ACTN2: variants seen among roughly 807,000 people sequenced by gnomAD.
The protein encoded by ACTN2 is actinin alpha 2.
ACTN2 carries 39 observed loss-of-function variants against 113.8 expected under a neutral mutation model. The ratio of observed to expected loss-of-function variants is 0.34; its 90% CI spans 0.27 to 0.45. ACTN2 has a LOEUF of 0.45. Among genes scored for constraint, ACTN2 ranks in the 20% least tolerant of loss-of-function variants. The probability of loss-of-function intolerance (pLI) is 1.00; values close to 1 mark genes in which losing one functional copy is unlikely to be tolerated. For synonymous variants in ACTN2, 429 were observed against 444.1 expected, an observed-to-expected ratio of 0.97 and a Z score of 0.43; for missense variants, 992 against 1,177.9, an observed-to-expected ratio of 0.84 and a Z score of 2.31.
intron 1 of ACTN2, among the ~76,000 whole-genome samples, chr1:236,694,602 A>T (rs906387815): frequency 1.3e-5 from 2 of 152,218 alleles, no homozygotes; most frequent in Non-Finnish European, 2.9e-5. Flanking sequence ...AAATTAAAAA[A>T]ACTTTCATTT....
chr1:236,709,252 A>ATATATATATG (rs1657933053), intron 1 of ACTN2, among the ~76,000 whole-genome samples: 1 of 95,260 alleles, frequency 1.0e-5, no homozygotes, highest in South Asian at 3.2e-4. Flanking sequence ...ATATATATAT[A>ATATATATATG]TATACACACA....
chr1:236,750,611 C>T (rs2102938321), intron 14 of ACTN2, among the ~76,000 whole-genome samples: 1 of 152,234 alleles, frequency 6.6e-6, no homozygotes, highest in African/African-American at 2.4e-5. Flanking sequence ...TGTGGGGCTG[C>T]TCATGTTCAG....
At chr1:236,749,947 A>G (rs1439516385) in intron 14 of ACTN2, among the ~76,000 whole-genome samples, 2 of 152,210 alleles carry the variant, frequency 1.3e-5, no homozygotes, top group Non-Finnish European at 2.9e-5. Flanking sequence ...ACGTGTGCAT[A>G]TTACTGTTTA....
chr1:236,720,056 G>A (rs368964457), intron 3 of ACTN2, 49 bp from the exon 4 acceptor site: 66 of 1,317,956 alleles, frequency 5.0e-5, no homozygotes, highest in African/African-American at 3.7e-4. Flanking sequence ...AAAAAGTTAC[G>A]TACAGACTAT....
At chr1:236,709,615 T>C (rs1657963352) in intron 1 of ACTN2, among the ~76,000 whole-genome samples, 1 of 151,902 alleles carries the variant, frequency 6.6e-6, no homozygotes, top group Admixed American at 6.6e-5. Context: ...CAAGCAGACC[T>C]CTTGATGTCT....
chr1:236,745,840 A>T (rs1008666454), intron 12 of ACTN2, among the ~76,000 whole-genome samples: 6 of 152,176 alleles, frequency 3.9e-5, no homozygotes, highest in Non-Finnish European at 8.8e-5. Context: ...TAAATAATAA[A>T]AATTTATTTC....
At chr1:236,751,089 CAAAAAAAAAAAAA>C (rs71178349) in intron 14 of ACTN2, among the ~76,000 whole-genome samples, 1 of 60,310 alleles carries the variant, frequency 1.7e-5, no homozygotes, top group African/African-American at 7.2e-5. Flanking sequence ...GACCCTGTCT[CAAAAAAAAAAAAA>C]AAAAAAAAAA....
At chr1:236,747,275 C>G (rs1324810084) in intron 12 of ACTN2, among the ~76,000 whole-genome samples, 1 of 152,182 alleles carries the variant, frequency 6.6e-6, no homozygotes, top group Non-Finnish European at 1.5e-5. Flanking sequence ...GTGATGTTTA[C>G]AGTGATGACA....
rs1572132716 is a variant in ACTN2, at chr1:236,739,402, A to C, written c.977A>C (p.Tyr326Ser). The change falls in exon 10 of 21, where the codon TAC becomes TCC. Residue 326 changes from tyrosine (Y) to serine (S), a missense_variant. Tyr to Ser is a moderately radical substitution (Grantham distance 144). Coordinates refer to ENST00000366578, the MANE Select transcript of ACTN2 (RefSeq NM_001103.4). The stretch of plus-strand genomic sequence containing the variant: ...AAGAAGCTGGAGGACTTCCGGGATT[A>C]CCGCCGGAAGCACAAGCCACCCAAG... Reference protein sequence around the residue: ...MQKKLEDFRDYRRKHKPPKVQ... With the variant: ...MQKKLEDFRDSRRKHKPPKVQ... The C allele has an allele frequency of 6.2e-7, 1 of 1,614,102 alleles. No homozygotes were observed. The highest frequency in any genetic ancestry group is 8.5e-7 in the Non-Finnish European group (1 of 1,180,032).
chr1:236,720,033 T>G, intron 3 of ACTN2, 72 bp from the exon 4 acceptor site: 2 of 1,044,306 alleles, frequency 1.9e-6, no homozygotes, highest in Non-Finnish European at 3.0e-6. Flanking sequence ...GAAGTCAACA[T>G]TTATATATAG....
chr1:236,746,029 G>T (rs1659224457), intron 12 of ACTN2, among the ~76,000 whole-genome samples: 1 of 151,786 alleles, frequency 6.6e-6, no homozygotes, highest in African/African-American at 2.4e-5. Flanking sequence ...AGCCAGGCAT[G>T]GTGGCGGGCA....
Position 236,721,619 on chromosome 1 carries a change from AAG to A in ACTN2, c.448+1430_448+1431del, listed in dbSNP as rs1362625019. 1.4e-4 allele frequency among the ~76,000 whole-genome samples: 21 copies of A among 152,366 alleles called. No individual in the cohort carries two copies. The Middle Eastern group carries it at 0.01, about 74-fold the overall frequency. On this transcript the variant is annotated intron_variant, in intron 4 of 20. Transcript: ENST00000366578. ...ACAGTACCTTCCTTTATGCTAATGA[AAG>A]AAACAAGAGGCTTCCTAAAATTCTT...
chr1:236,704,609 G>A (rs1017558772), intron 1 of ACTN2, among the ~76,000 whole-genome samples: 3 of 152,156 alleles, frequency 2.0e-5, no homozygotes, highest in African/African-American at 7.2e-5. Context: ...AAACAGGTAC[G>A]TATATTTACT....
chr1:236,717,980 T>C lies in ACTN2; in HGVS notation c.241+8T>C, dbSNP rs772934028. On this transcript the variant is annotated splice_region_variant and intron_variant, in intron 2 of 20. Coordinates refer to ENST00000366578, the MANE Select transcript of ACTN2 (RefSeq NM_001103.4). ...TTTTGGAAGTCATCTCAGGTTGGTGTTATATATCCCATCCTATGCTTTCAT... is the reference window on the plus strand; with the variant it reads ...TTTTGGAAGTCATCTCAGGTTGGTGCTATATATCCCATCCTATGCTTTCAT... The C allele has an allele frequency of 3.1e-6, 5 of 1,594,028 alleles. No individual in the cohort carries two copies. The highest frequency in any genetic ancestry group is 4.3e-6 in the Non-Finnish European group (5 of 1,162,268).
intron 4 of ACTN2, among the ~76,000 whole-genome samples, chr1:236,724,657 A>AC (rs1003294955): frequency 1.3e-5 from 2 of 151,928 alleles, no homozygotes; most frequent in African/African-American, 4.8e-5. Flanking sequence ...TCTGCTGCTC[A>AC]CCCCCCAGTC....
intron 1 of ACTN2, among the ~76,000 whole-genome samples, chr1:236,707,261 A>G (rs893562479): frequency 6.6e-6 from 1 of 152,252 alleles, no homozygotes; most frequent in African/African-American, 2.4e-5. Context: ...AATACTTGTG[A>G]TGAATCTGGA....
intron 18 of ACTN2, among the ~76,000 whole-genome samples, chr1:236,758,065 T>C (rs1407940910): frequency 6.6e-6 from 1 of 152,210 alleles, no homozygotes; most frequent in Non-Finnish European, 1.5e-5. Flanking sequence ...TTTTCTGTTT[T>C]AATTAACAAA....
intron 6 of ACTN2, among the ~76,000 whole-genome samples, chr1:236,730,370 AC>A (rs1658679586): frequency 6.6e-6 from 1 of 151,028 alleles, no homozygotes; most frequent in African/African-American, 2.4e-5. Context: ...TGAAACCTGC[AC>A]TTTTTCAGTG....
intron 1 of ACTN2, among the ~76,000 whole-genome samples, chr1:236,708,781 C>T (rs1336294314): frequency 6.6e-6 from 1 of 152,162 alleles, no homozygotes; most frequent in Non-Finnish European, 1.5e-5. Context: ...ACTTTTTGCC[C>T]TCACAGACGG....
Sources: gnomAD v4.1 joint callset for allele counts (sites outside exome capture counted in the v4.1 genomes callset) on GRCh38, gnomAD v4.1.1 for gene constraint, MANE v1.5 for transcripts, NCBI Gene and HGNC (gene_info 2026-07-23, HGNC 2026-07-21) for gene names.